NPSR1: variants seen among roughly 807,000 people sequenced by gnomAD.
NPSR1 encodes neuropeptide S receptor 1.
NPSR1 carries 48 observed loss-of-function variants against 46.9 expected under a neutral mutation model. The ratio of observed to expected loss-of-function variants is 1.02; its 90% CI spans 0.81 to 1.30. NPSR1 has a LOEUF of 1.30. Among genes scored for constraint, NPSR1 ranks in the 50% most tolerant of loss-of-function variants. The pLI is 0.00. For missense variants in NPSR1, 450 were observed against 449.5 expected (o/e 1.00, Z -0.01); for synonymous variants, 176 against 168.1 (o/e 1.05, Z -0.36).
intron 2 of NPSR1, among the ~76,000 whole-genome samples, chr7:34,729,965 G>A (rs1784346179): frequency 6.6e-6 from 1 of 152,080 alleles, no homozygotes; most frequent in Non-Finnish European, 1.5e-5. Context: ...GTAGCAATGG[G>A]GTTTCACCAT....
At chr7:34,711,076 G>T in intron 2 of NPSR1, 1 of 321,508 alleles carries the variant, frequency 3.1e-6, no homozygotes, top group Admixed American at 3.3e-5. Flanking sequence ...AGGTCCAAAA[G>T]GTGTTGTAGC....
chr7:34,707,155 A>G (rs1257918475), intron 2 of NPSR1, among the ~76,000 whole-genome samples: 3 of 152,170 alleles, frequency 2.0e-5, no homozygotes, highest in African/African-American at 4.8e-5. Context: ...AAAGGCATTT[A>G]CCCTTGTTAA....
At chr7:34,719,776 G>A (rs1783755906) in intron 2 of NPSR1, 1 of 152,116 alleles carries the variant, frequency 6.6e-6, no homozygotes, top group Non-Finnish European at 1.5e-5. Flanking sequence ...CTGGCTAACA[G>A]CCCTCAGTGC....
intron 2 of NPSR1, among the ~76,000 whole-genome samples, chr7:34,763,509 A>G (rs902300906): frequency 6.6e-6 from 1 of 151,350 alleles, no homozygotes; most frequent in African/African-American, 2.4e-5. Flanking sequence ...GGAATAGGAA[A>G]GAAATACAAA....
intron 2 of NPSR1, among the ~76,000 whole-genome samples, chr7:34,743,057 T>G (rs554078258): frequency 6.6e-6 from 1 of 152,336 alleles, no homozygotes; most frequent in East Asian, 1.9e-4. Flanking sequence ...ATTAAAACTT[T>G]GTCAAATGAG....
chr7:34,785,993 C>G (rs115203884), intron 3 of NPSR1, among the ~76,000 whole-genome samples: 12 of 152,076 alleles, frequency 7.9e-5, no homozygotes, highest in Non-Finnish European at 1.5e-4. Flanking sequence ...GTGGTGGTTG[C>G]CAAAGGTTGT....
intron 2 of NPSR1, among the ~76,000 whole-genome samples, chr7:34,727,767 G>A (rs1053759354): frequency 5.9e-5 from 9 of 152,182 alleles, no homozygotes; most frequent in African/African-American, 1.7e-4. Flanking sequence ...GCTGAGAGCA[G>A]TCTATTAAAT....
Position 34,840,444 on chromosome 7 carries a change from GTC to G in NPSR1, c.758-4450_758-4449del, listed in dbSNP as rs71551074. 2.6e-3 allele frequency among the ~76,000 whole-genome samples: 391 copies of G among 152,128 alleles called. 1 individual carries two copies. The highest frequency in any genetic ancestry group is 4.6e-3 in the Non-Finnish European group (315 of 67,964). Reference sequence around the variant, plus strand: ...CTGAAACTCTTGGGAGTTCAAGAGAGTCTGCTGCAAGCTCCTGGAATAGCACA... The same window carrying G: ...CTGAAACTCTTGGGAGTTCAAGAGAGTGCTGCAAGCTCCTGGAATAGCACA... On this transcript the variant is annotated intron_variant, in intron 6 of 8. Transcript: ENST00000360581.
chr7:34,868,087 G>T (rs1270864379), intron 8 of NPSR1, among the ~76,000 whole-genome samples: 4 of 151,762 alleles, frequency 2.6e-5, no homozygotes, highest in Admixed American at 2.0e-4. Context: ...TAATCTGCAG[G>T]CACAGTGGGA....
intron 3 of NPSR1, among the ~76,000 whole-genome samples, chr7:34,796,702 G>A (rs1356536350): frequency 6.6e-6 from 1 of 152,164 alleles, no homozygotes; most frequent in African/African-American, 2.4e-5. Context: ...AGAATGTGAA[G>A]CAACAGGAAC....
intron 2 of NPSR1, among the ~76,000 whole-genome samples, chr7:34,709,531 T>C (rs1783166493): frequency 6.6e-6 from 1 of 152,188 alleles, no homozygotes; most frequent in Non-Finnish European, 1.5e-5. Context: ...TGGGGCCTTC[T>C]GTGACCAACC....
intron 2 of NPSR1, among the ~76,000 whole-genome samples, chr7:34,708,965 A>G (rs948685104): frequency 3.3e-5 from 5 of 152,244 alleles, no homozygotes; most frequent in South Asian, 2.1e-4. Flanking sequence ...GAGGATAATG[A>G]GGCTCAGAGA....
chr7:34,680,903 C>T (rs549565075), intron 1 of NPSR1, among the ~76,000 whole-genome samples: 2 of 146,690 alleles, frequency 1.4e-5, no homozygotes, highest in Non-Finnish European at 3.0e-5. Flanking sequence ...TAGAGTTTTA[C>T]ATGGGGCACA....
intron 1 of NPSR1, among the ~76,000 whole-genome samples, chr7:34,677,888 A>C (rs866754523): frequency 1.3e-4 from 20 of 152,188 alleles, no homozygotes; most frequent in African/African-American, 4.8e-4. Context: ...TGGCTAAGTA[A>C]AACTTGGGCG....
At chr7:34,858,137 A>G (rs1296511902) in intron 8 of NPSR1, among the ~76,000 whole-genome samples, 4 of 151,838 alleles carry the variant, frequency 2.6e-5, no homozygotes, top group African/African-American at 9.7e-5. Flanking sequence ...GCCTTAAACT[A>G]GTAAAACTAA....
chr7:34,688,525 C>A (rs968678823), intron 2 of NPSR1, among the ~76,000 whole-genome samples: 8 of 152,174 alleles, frequency 5.3e-5, no homozygotes, highest in African/African-American at 1.9e-4. Context: ...ACTCCCTTTC[C>A]ACACAAAGAA....
chr7:34,693,434 T>C (rs1393201145), intron 2 of NPSR1, among the ~76,000 whole-genome samples: 1 of 151,978 alleles, frequency 6.6e-6, no homozygotes, highest in Non-Finnish European at 1.5e-5. Context: ...CCCCCTAAGA[T>C]TGAACCAGGA....
At chr7:34,809,578 C>T (rs918715753) in intron 3 of NPSR1, among the ~76,000 whole-genome samples, 2 of 151,320 alleles carry the variant, frequency 1.3e-5, no homozygotes, top group African/African-American at 4.9e-5. Context: ...ATTCTCCTGC[C>T]TCAGCCTCCC....
intron 2 of NPSR1, chr7:34,752,119 T>C (rs371775325): frequency 1.9e-6 from 1 of 517,424 alleles, no homozygotes; most frequent in African/African-American, 1.9e-5. Flanking sequence ...AACTTAAAAT[T>C]ACAAAGTTTT....
Sources: allele counts gnomAD v4.1 joint callset (sites outside exome capture counted in the v4.1 genomes callset), GRCh38; gene constraint gnomAD v4.1.1; transcripts MANE v1.5; gene names NCBI Gene and HGNC (gene_info 2026-07-23, HGNC 2026-07-21).